CRYGB: variants seen among roughly 807,000 people sequenced by gnomAD.
The protein encoded by CRYGB is crystallin gamma B, also known as gamma-crystallin B.
In CRYGB, 19 loss-of-function variants were observed where a neutral mutation model predicts 21.3. That is an observed-to-expected ratio of 0.89 (90% CI 0.62 to 1.31). The LOEUF is 1.31. CRYGB is among the 50% of genes most tolerant of loss of function. The pLI is 0.00. For missense variants in CRYGB, 254 were observed against 228.4 expected, an observed-to-expected ratio of 1.11 and a Z score of -0.72; for synonymous variants, 81 against 81.2, an observed-to-expected ratio of 1.00 and a Z score of 0.01.
Position 208,145,847 on chromosome 2 carries a change from C to G in CRYGB, c.179G>C (p.Arg60Pro), listed in dbSNP as rs140473427. The G allele has an allele frequency of 6.2e-7, 1 of 1,614,060 alleles. No individual in the cohort carries two copies. The highest frequency in any genetic ancestry group is 8.5e-7 in the Non-Finnish European group (1 of 1,180,012). The change falls in exon 2 of 3, where the codon CGT becomes CCT. Residue 60 changes from arginine (R) to proline (P), a missense_variant. Arg to Pro is a moderately radical substitution (Grantham distance 103). Transcript: ENST00000260988. ...TTGCTGGTAGTCAGGGTACTCCCCACGCCGCAGGAAGTACTGGTGGCCCTG... is the reference window on the plus strand; with the variant it reads ...TTGCTGGTAGTCAGGGTACTCCCCAGGCCGCAGGAAGTACTGGTGGCCCTG... ...NYQGHQYFLRRGEYPDYQQWM... is the reference protein window; with the variant it reads ...NYQGHQYFLRPGEYPDYQQWM...
chr2:208,143,231 G>A lies in CRYGB; in HGVS notation c.253-318C>T, dbSNP rs377390641. 1.2e-4 allele frequency among the ~76,000 whole-genome samples: 18 copies of A among 152,252 alleles called. No homozygotes were observed. In the East Asian group the frequency reaches 2.3e-3, roughly 20 times the overall value. ...ACTGAGAGTCATTGGAAAGTTAAAT[G>A]TCATATTATGTATATACAGTGAAAG... On this transcript the variant is annotated intron_variant, in intron 2 of 2. Coordinates refer to ENST00000260988, the MANE Select transcript of CRYGB (RefSeq NM_005210.4).
chr2:208,145,845 C>T lies in CRYGB; in HGVS notation c.181G>A (p.Gly61Arg), dbSNP rs138869611. 3.6e-4 allele frequency: 577 copies of T among 1,614,044 alleles called. No individual in the cohort carries two copies. The highest frequency in any genetic ancestry group is 4.7e-4 in the Non-Finnish European group (550 of 1,179,998). The change falls in exon 2 of 3, where the codon GGG (glycine) becomes AGG (arginine). Residue 61 changes from glycine to arginine, a missense_variant. Gly to Arg is a moderately radical substitution (Grantham distance 125). Transcript: ENST00000260988. Reference sequence around the variant, plus strand: ...CATTGCTGGTAGTCAGGGTACTCCCCACGCCGCAGGAAGTACTGGTGGCCC... The same window carrying T: ...CATTGCTGGTAGTCAGGGTACTCCCTACGCCGCAGGAAGTACTGGTGGCCC... ...YQGHQYFLRR[G>R]EYPDYQQWMG...
Position 208,145,858 on chromosome 2 carries a change from G to C in CRYGB, c.168C>G (p.Tyr56Ter). 1 of 1,614,160 alleles carries C rather than the reference G, an allele frequency of 6.2e-7. No individual in the cohort carries two copies. ...YERPNYQGHQ[Y>*]FLRRGEYPDY... ...CAGGGTACTCCCCACGCCGCAGGAAGTACTGGTGGCCCTGGTAGTTGGGGC... is the reference window on the plus strand; with the variant it reads ...CAGGGTACTCCCCACGCCGCAGGAACTACTGGTGGCCCTGGTAGTTGGGGC... Residue 56 changes from tyrosine (Y) to a stop codon, truncating the protein, a stop_gained, in exon 2 of 3, where the codon TAC becomes TAG. Transcript: ENST00000260988. LOFTEE classifies it high-confidence loss of function.
chr2:208,146,026 G>A lies in CRYGB; in HGVS notation c.10-10C>T, dbSNP rs768364995. 2 of 1,613,528 alleles carry A rather than the reference G, an allele frequency of 1.2e-6. No individual in the cohort carries two copies. Among genetic ancestry groups the A allele is most frequent in the South Asian group, 2.2e-5 (2 of 91,054 alleles). On this transcript the variant is annotated splice_polypyrimidine_tract_variant and intron_variant, in intron 1 of 2. Coordinates refer to ENST00000260988, the MANE Select transcript of CRYGB (RefSeq NM_005210.4). ...CCTCGTAGAAGGTGATCTGAAAAAT[G>A]GAAGATGTGGGAGCATGGAGTGATT...
Position 208,145,979 on chromosome 2 carries a change from C to T in CRYGB, c.47G>A (p.Ser16Asn), listed in dbSNP as rs200994344. The T allele has an allele frequency of 2.5e-5, 41 of 1,614,208 alleles. No homozygotes were observed. The African/African-American group carries it at 5.5e-4, about 22-fold the overall frequency. Residue 16 changes from serine (S) to asparagine (N), a missense_variant, in exon 2 of 3, where the codon AGC becomes AAC. Coordinates refer to ENST00000260988, the MANE Select transcript of CRYGB (RefSeq NM_005210.4). Reference sequence around the variant, plus strand: ...GGGGCAGTCAGTGGTGCATTCGTAGCTGCGGCCCTGGAAGGCCCTGTCCTC... The same window carrying T: ...GGGGCAGTCAGTGGTGCATTCGTAGTTGCGGCCCTGGAAGGCCCTGTCCTC... The part of the protein sequence containing the change: ...FYEDRAFQGR[S>N]YECTTDCPNL...
intron 2 of CRYGB, among the ~76,000 whole-genome samples, chr2:208,145,195 A>G (rs1695434758): frequency 6.6e-6 from 1 of 151,782 alleles, no homozygotes; most frequent in Non-Finnish European, 1.5e-5. Flanking sequence ...GAATAATCAA[A>G]TAGAAAAGTA....
At chr2:208,143,617 C>T (rs1186295899) in intron 2 of CRYGB, among the ~76,000 whole-genome samples, 1 of 52,598 alleles carries the variant, frequency 1.9e-5, no homozygotes, top group Non-Finnish European at 5.6e-5. Flanking sequence ...ATTCTCCTGC[C>T]TGAGCCTCCC....
rs755129339 is a variant in CRYGB at position 208,142,797 on chromosome 2, G to T, written c.369C>A (p.His123Gln). Residue 123 changes from histidine to glutamine, a missense_variant, in exon 3 of 3, where the codon CAC becomes CAA. His to Gln is a conservative substitution (Grantham distance 24, BLOSUM62 0). Transcript: ENST00000260988. ...VQDRFHLTEI[H>Q]SLNVLEGSWI... ...AGCTGCCCTCCAGCACATTGAGGGA[G>T]TGAATTTCAGTGAGGTGGAAGCGGT... is the stretch of plus-strand genomic sequence containing the variant. 1.9e-6 allele frequency: 3 copies of T among 1,614,208 alleles called. No individual in the cohort carries two copies. The South Asian group carries it at 3.3e-5, about 18-fold the overall frequency.
chr2:208,142,700 G>T lies in CRYGB; in HGVS notation c.466C>A (p.Leu156Ile). Residue 156 changes from leucine to isoleucine, a missense_variant, in exon 3 of 3, where the codon CTT becomes ATT. Leu to Ile is a conservative substitution (Grantham distance 5). Coordinates refer to ENST00000260988, the MANE Select transcript of CRYGB (RefSeq NM_005210.4). ...TTGGCATTTGGAGCCCCCCAATCAA[G>T]AAACCTCCTGTACTCCCCCGGCCTC... Reference protein sequence around the residue: ...LLRPGEYRRFLDWGAPNAKVG... With the variant: ...LLRPGEYRRFIDWGAPNAKVG... 6.2e-7 allele frequency: 1 copy of T among 1,603,830 alleles called. No homozygotes were observed. The highest frequency in any genetic ancestry group is 8.5e-7 in the Non-Finnish European group (1 of 1,176,624).
Position 208,146,030 on chromosome 2 carries a change from G to C in CRYGB, c.10-14C>G, listed in dbSNP as rs774276573. 6.2e-7 allele frequency: 1 copy of C among 1,613,264 alleles called. No homozygotes were observed. The highest frequency in any genetic ancestry group is 1.1e-5 in the South Asian group (1 of 91,050). ...GTAGAAGGTGATCTGAAAAATGGAA[G>C]ATGTGGGAGCATGGAGTGATTGGCC... On this transcript the variant is annotated splice_polypyrimidine_tract_variant and intron_variant, in intron 1 of 2. Transcript: ENST00000260988.
chr2:208,143,881 A>G (rs2362791), intron 2 of CRYGB, among the ~76,000 whole-genome samples: 63,570 of 151,900 alleles, frequency 0.42, 13,876 homozygotes, highest in South Asian at 0.5. Flanking sequence ...CAACTTATAC[A>G]TATTGATTGA....
intron 2 of CRYGB, among the ~76,000 whole-genome samples, chr2:208,144,433 T>A (rs1695418957): frequency 6.6e-6 from 1 of 150,706 alleles, no homozygotes; most frequent in South Asian, 2.1e-4. Context: ...AGACAGGGTC[T>A]CCCTCTGTCA....
chr2:208,146,085 G>C, intron 1 of CRYGB, 27 bp downstream of exon 1: 1 of 1,614,222 alleles, frequency 6.2e-7, no homozygotes, highest in Non-Finnish European at 8.5e-7. Flanking sequence ...TAGGGCCAAG[G>C]CTGAGCATCC....
Position 208,145,802 on chromosome 2 carries a change from G to A in CRYGB, c.224C>T (p.Ser75Phe), listed in dbSNP as rs770301457. 1 of 1,613,736 alleles carries A rather than the reference G, an allele frequency of 6.2e-7. No homozygotes were observed. Among genetic ancestry groups the A allele is most frequent in the Non-Finnish European group, 8.5e-7 (1 of 1,179,962 alleles). ...DYQQWMGLSD[S>F]IRSCCLIPPH... Reference sequence around the variant, plus strand: ...GGGGATGAGGCAGCAGGAGCGGATGGAGTCGCTGAGGCCCATCCATTGCTG... The same window carrying A: ...GGGGATGAGGCAGCAGGAGCGGATGAAGTCGCTGAGGCCCATCCATTGCTG... The change falls in exon 2 of 3, where the codon TCC becomes TTC. Residue 75 changes from serine to phenylalanine, a missense_variant. Physicochemically the swap from Ser to Phe is radical, Grantham distance 155. Coordinates refer to ENST00000260988, the MANE Select transcript of CRYGB (RefSeq NM_005210.4).
chr2:208,142,787 C>T lies in CRYGB; in HGVS notation c.379G>A (p.Val127Met), dbSNP rs767897845. 1.9e-6 allele frequency: 3 copies of T among 1,614,156 alleles called. No individual in the cohort carries two copies. Among genetic ancestry groups the T allele is most frequent in the South Asian group, 2.2e-5 (2 of 91,082 alleles). ...FHLTEIHSLN[V>M]LEGSWILYEM... ...TAGAGGATCCAGCTGCCCTCCAGCACATTGAGGGAGTGAATTTCAGTGAGG... is the reference window on the plus strand; with the variant it reads ...TAGAGGATCCAGCTGCCCTCCAGCATATTGAGGGAGTGAATTTCAGTGAGG... Residue 127 changes from valine (V) to methionine (M), a missense_variant, in exon 3 of 3, where the codon GTG (valine) becomes ATG (methionine). Physicochemically the swap from Val to Met is conservative, Grantham distance 21 (BLOSUM62 1). Transcript: ENST00000260988.
At position 208,145,833 on chromosome 2, in the gene CRYGB, C is replaced by T. The variant is rs767690405; in HGVS notation, c.193G>A (p.Asp65Asn). The change falls in exon 2 of 3, where the codon GAC becomes AAC. Residue 65 changes from aspartate to asparagine, a missense_variant. Asp to Asn is a conservative substitution (Grantham distance 23). Coordinates refer to ENST00000260988, the MANE Select transcript of CRYGB (RefSeq NM_005210.4). The stretch of plus-strand genomic sequence containing the variant: ...CTGAGGCCCATCCATTGCTGGTAGT[C>T]AGGGTACTCCCCACGCCGCAGGAAG... ...QYFLRRGEYPDYQQWMGLSDS... is the reference protein window; with the variant it reads ...QYFLRRGEYPNYQQWMGLSDS... The T allele has an allele frequency of 2.5e-6, 4 of 1,613,850 alleles. No homozygotes were observed. Among genetic ancestry groups the T allele is most frequent in the South Asian group, 1.1e-5 (1 of 91,060 alleles).
At chr2:208,143,705 G>C in intron 2 of CRYGB, among the ~76,000 whole-genome samples, 1 of 152,100 alleles carries the variant, frequency 6.6e-6, no homozygotes, top group Non-Finnish European at 1.5e-5. Flanking sequence ...CTTTGACTAT[G>C]TTGGCCAGGC....
rs142007191 is a variant in CRYGB, at chr2:208,142,692, C to A, written c.474G>T (p.Trp158Cys). Residue 158 changes from tryptophan to cysteine, a missense_variant, in exon 3 of 3, where the codon TGG becomes TGT. Physicochemically the swap from Trp to Cys is radical, Grantham distance 215. Coordinates refer to ENST00000260988, the MANE Select transcript of CRYGB (RefSeq NM_005210.4). ...AGCCAACTTTGGCATTTGGAGCCCC[C>A]CAATCAAGAAACCTCCTGTACTCCC... ...RPGEYRRFLD[W>C]GAPNAKVGSL... The A allele has an allele frequency of 6.3e-7, 1 of 1,597,074 alleles. No homozygotes were observed. The highest frequency in any genetic ancestry group is 2.2e-5 in the East Asian group (1 of 44,676).
chr2:208,146,146 C>T lies in CRYGB; in HGVS notation c.-26G>A. 1 of 1,613,830 alleles carries T rather than the reference C, an allele frequency of 6.2e-7. No homozygotes were observed. The highest frequency in any genetic ancestry group is 2.2e-5 in the East Asian group (1 of 44,888). ...TTTGAAGGAAGTGAGCAGATGTTTTCTGGTTGCTGTGTGGGACTGCGGGAA... is the reference window on the plus strand; with the variant it reads ...TTTGAAGGAAGTGAGCAGATGTTTTTTGGTTGCTGTGTGGGACTGCGGGAA... On this transcript the variant is annotated 5_prime_UTR_variant, in exon 1 of 3. Coordinates refer to ENST00000260988, the MANE Select transcript of CRYGB (RefSeq NM_005210.4).
Sources: allele counts gnomAD v4.1 joint callset (sites outside exome capture counted in the v4.1 genomes callset), GRCh38; gene constraint gnomAD v4.1.1; transcripts MANE v1.5; gene names NCBI Gene and HGNC (gene_info 2026-07-23, HGNC 2026-07-21).